SLC2A13: variants seen among roughly 807,000 people sequenced by gnomAD.
The protein encoded by SLC2A13 is proton myo-inositol cotransporter.
SLC2A13 carries 32 observed loss-of-function variants against 64.4 expected under a neutral mutation model. That is an observed-to-expected ratio of 0.50 (90% CI 0.37 to 0.67). The LOEUF is 0.67. Ranked by LOEUF, SLC2A13 falls within the 30% of genes least tolerant of loss-of-function variation. SLC2A13 has a pLI of 0.00. For synonymous variants in SLC2A13, 338 were observed against 327.1 expected, an observed-to-expected ratio of 1.03 and a Z score of -0.36; for missense variants, 743 against 829.2, an observed-to-expected ratio of 0.90 and a Z score of 1.28.
At chr12:39,765,497 A>AGAT in intron 7 of SLC2A13, among the ~76,000 whole-genome samples, 1 of 151,986 alleles carries the variant, frequency 6.6e-6, no homozygotes, top group East Asian at 1.9e-4. Context: ...TTGCCCCTGA[A>AGAT]GATATTACCA....
chr12:39,931,418 G>A (rs1278106904), intron 4 of SLC2A13, among the ~76,000 whole-genome samples: 2 of 152,294 alleles, frequency 1.3e-5, no homozygotes, highest in Non-Finnish European at 2.9e-5. Flanking sequence ...CTATTCGCCT[G>A]CCAGCAGTGG....
At chr12:39,931,907 A>T (rs1592293942) in intron 4 of SLC2A13, among the ~76,000 whole-genome samples, 2 of 152,190 alleles carry the variant, frequency 1.3e-5, no homozygotes, top group Admixed American at 1.3e-4. Flanking sequence ...CATTTTATAT[A>T]ATAGTATATT....
chr12:39,765,390 C>T lies in SLC2A13; in HGVS notation c.1446-532G>A, dbSNP rs374015582. ...TCCGTGTCCTTGCTTCTCTACCAGTCACTCCCTGATGACCTTGCCTTCTTA... is the reference window on the plus strand; with the variant it reads ...TCCGTGTCCTTGCTTCTCTACCAGTTACTCCCTGATGACCTTGCCTTCTTA... On this transcript the variant is annotated intron_variant, in intron 7 of 9. Coordinates refer to ENST00000280871, the MANE Select transcript of SLC2A13 (RefSeq NM_052885.4). 1.4e-4 allele frequency among the ~76,000 whole-genome samples: 22 copies of T among 152,196 alleles called. No homozygotes were observed. The South Asian group carries it at 4.6e-3, about 32-fold the overall frequency.
Position 39,797,730 on chromosome 12 carries a change from A to ACACACACACACATACG in SLC2A13, c.1445+32372_1445+32373insCGTATGTGTGTGTGTG, listed in dbSNP as rs1483435613. Among the ~76,000 whole-genome samples, 11 of 12,468 alleles carry ACACACACACACATACG rather than the reference A, an allele frequency of 8.8e-4. 1 individual carries two copies. The highest frequency in any genetic ancestry group is 1.8e-3 in the African/African-American group (11 of 6,250). 8.2% of individuals were successfully genotyped at this position (12,468 alleles called of 152,430 possible). Reference sequence around the variant, plus strand: ...ATGTTATAAGCCAGTTATGGTAAACACACACACACACACACACACACACAC... The same window carrying ACACACACACACATACG: ...ATGTTATAAGCCAGTTATGGTAAACACACACACACACATACGCACACACACACACACACACACACAC... On this transcript the variant is annotated intron_variant, in intron 7 of 9. Transcript: ENST00000280871.
chr12:39,943,791 A>T (rs1456271813), intron 4 of SLC2A13, among the ~76,000 whole-genome samples: 1 of 152,138 alleles, frequency 6.6e-6, no homozygotes, highest in Non-Finnish European at 1.5e-5. Flanking sequence ...CCCCAATACT[A>T]TGCTTTTCCC....
chr12:39,761,857 A>G (rs1284205694), intron 9 of SLC2A13, among the ~76,000 whole-genome samples: 1 of 152,114 alleles, frequency 6.6e-6, no homozygotes, highest in Non-Finnish European at 1.5e-5. Flanking sequence ...TTTTAAATAT[A>G]ATAGTATATT....
chr12:39,959,846 A>G (rs7136390), intron 3 of SLC2A13, among the ~76,000 whole-genome samples: 29,505 of 152,242 alleles, frequency 0.19, 3,246 homozygotes, highest in Middle Eastern at 0.27. Flanking sequence ...TCCAGGATAC[A>G]CATGCAGTAT....
At position 39,896,789 on chromosome 12, in the gene SLC2A13, G is replaced by GCA. The variant is rs1447119595; in HGVS notation, c.1035-24830_1035-24829dup. Among the ~76,000 whole-genome samples, 3 of 151,982 alleles carry GCA rather than the reference G, an allele frequency of 2.0e-5. No homozygotes were observed. The East Asian group carries it at 5.8e-4, about 29-fold the overall frequency. ...ACATAATCAAAAGGTTATAAAAGTT[G>GCA]CATATATTTAAGTGAGAAACTAATC... On this transcript the variant is annotated intron_variant, in intron 4 of 9. Transcript: ENST00000280871.
At chr12:39,980,801 A>C (rs1447550331) in intron 3 of SLC2A13, among the ~76,000 whole-genome samples, 1 of 152,108 alleles carries the variant, frequency 6.6e-6, no homozygotes, top group Non-Finnish European at 1.5e-5. Context: ...CAGGAATTGA[A>C]CTCAGCTCTG....
At chr12:39,915,815 A>T (rs1428492009) in intron 4 of SLC2A13, among the ~76,000 whole-genome samples, 1 of 151,976 alleles carries the variant, frequency 6.6e-6, no homozygotes, top group Non-Finnish European at 1.5e-5. Flanking sequence ...TAGGCATCAT[A>T]AAAAAATTTG....
At chr12:39,927,830 G>C (rs939463046) in intron 4 of SLC2A13, among the ~76,000 whole-genome samples, 5 of 152,088 alleles carry the variant, frequency 3.3e-5, no homozygotes, top group African/African-American at 1.2e-4. Context: ...CAACATGATT[G>C]TTTTTATATC....
intron 1 of SLC2A13, among the ~76,000 whole-genome samples, chr12:40,092,997 A>G (rs1159724995): frequency 6.6e-6 from 1 of 152,224 alleles, no homozygotes; most frequent in Admixed American, 6.5e-5. Context: ...ATCCCACGTA[A>G]TAAGTTTGCA....
chr12:39,864,803 TG>T lies in SLC2A13; in HGVS notation c.1277del (p.Pro426GlnfsTer2). 6.2e-7 allele frequency: 1 copy of T among 1,614,034 alleles called. No homozygotes were observed. The highest frequency in any genetic ancestry group is 8.5e-7 in the Non-Finnish European group (1 of 1,179,950). On this transcript the variant is annotated frameshift_variant, in exon 6 of 10. Transcript: ENST00000280871. LOFTEE classifies it high-confidence loss of function. ...AQVSPRITFK[P>X]IAPSGQNATC... The stretch of plus-strand genomic sequence containing the variant: ...TGGCGTTCTGACCTGACGGAGCTAT[TG>T]GCTTAAAAGTGATGCGTGGGGAAAC...
rs757006339 is a variant in SLC2A13 at position 40,105,625 on chromosome 12, C to G, written c.184G>C (p.Gly62Arg). The change falls in exon 1 of 10, where the codon GGG becomes CGG. Residue 62 changes from glycine (G) to arginine (R), a missense_variant. By Grantham distance (125) the Gly-to-Arg change is moderately radical (BLOSUM62 -2). Transcript: ENST00000280871. The surrounding 1 kb of genome is among the most constrained non-coding windows in gnomAD (Gnocchi z 4.2). ...QSAGAGGGGV[G>R]DLERAARRQF... ...CGCCGCGCCGCGCGCTCCAGGTCCC[C>G]GACGCCGCCGCCGCCCGCGCCCGCG... 2.0e-6 allele frequency: 3 copies of G among 1,491,240 alleles called. No individual in the cohort carries two copies. Among genetic ancestry groups the G allele is most frequent in the Middle Eastern group, 1.9e-4 (1 of 5,318 alleles). 92.4% of individuals were successfully genotyped at this position (1,491,240 alleles called of 1,614,324 possible).
chr12:39,911,004 A>G (rs1001250308), intron 4 of SLC2A13, among the ~76,000 whole-genome samples: 4 of 152,120 alleles, frequency 2.6e-5, no homozygotes, highest in African/African-American at 9.7e-5. Flanking sequence ...GAATCGCTGG[A>G]ACCTGGGAGG....
rs139526618 is a variant in SLC2A13, at chr12:39,987,364, G to T, written c.926-35999C>A. ...TTCCCAAATTCATATCTCCAAATTT[G>T]CCCTGTCTCTTGAACCGAAAACTTG... On this transcript the variant is annotated intron_variant, in intron 3 of 9. Coordinates refer to ENST00000280871, the MANE Select transcript of SLC2A13 (RefSeq NM_052885.4). Among the ~76,000 whole-genome samples the T allele has an allele frequency of 1.1e-4, 16 of 152,164 alleles. 1 individual carries two copies. The highest frequency in any genetic ancestry group is 9.2e-4 in the Admixed American group (14 of 15,294).
intron 7 of SLC2A13, among the ~76,000 whole-genome samples, chr12:39,771,931 T>A (rs2135725571): frequency 6.6e-6 from 1 of 152,244 alleles, no homozygotes; most frequent in Non-Finnish European, 1.5e-5. Flanking sequence ...ACTCATGACG[T>A]TTCCTGTAAC....
intron 3 of SLC2A13, among the ~76,000 whole-genome samples, chr12:39,960,764 T>C (rs1408414853): frequency 3.5e-5 from 5 of 144,486 alleles, no homozygotes; most frequent in African/African-American, 7.6e-5. Context: ...TTTTTTTTTT[T>C]CAAGACAGAG....
intron 1 of SLC2A13, among the ~76,000 whole-genome samples, chr12:40,083,706 G>GCCATTGGTGTT (rs927600149): frequency 1.3e-5 from 2 of 152,196 alleles, no homozygotes; most frequent in Admixed American, 6.5e-5. Flanking sequence ...GGGCTTTTCT[G>GCCATTGGTGTT]CCATTGGTGT....
Sources: allele counts gnomAD v4.1 joint callset (sites outside exome capture counted in the v4.1 genomes callset), GRCh38; gene constraint gnomAD v4.1.1; non-coding constraint Gnocchi (gnomAD v3.1); transcripts MANE v1.5; gene names NCBI Gene and HGNC (gene_info 2026-07-23, HGNC 2026-07-21).